CASC3: variants seen among roughly 807,000 people sequenced by gnomAD.
The protein encoded by CASC3 is CASC3 exon junction complex subunit.
In CASC3, 30 loss-of-function variants were observed where a neutral mutation model predicts 80.5. That is an observed-to-expected ratio of 0.37 (90% CI 0.28 to 0.51). CASC3 has a LOEUF of 0.51. Among genes scored for constraint, CASC3 ranks in the 20% least tolerant of loss-of-function variants. The pLI is 0.94. For missense variants in CASC3, 824 were observed against 922.2 expected (o/e 0.89, Z 1.38); for synonymous variants, 312 against 333.6 (o/e 0.94, Z 0.70).
intron 3 of CASC3, among the ~76,000 whole-genome samples, chr17:40,157,059 G>T (rs1304623240): frequency 6.6e-6 from 1 of 151,668 alleles, no homozygotes; most frequent in East Asian, 1.9e-4. Context: ...AAATAAAAGG[G>T]GGTTGGCCGG....
chr17:40,154,920 C>T (rs759810550), intron 3 of CASC3, among the ~76,000 whole-genome samples: 7 of 152,086 alleles, frequency 4.6e-5, no homozygotes, highest in African/African-American at 9.7e-5. Context: ...GATGGAGTCT[C>T]GCTCTTTCAC....
intron 3 of CASC3, among the ~76,000 whole-genome samples, chr17:40,146,540 G>A (rs907545812): frequency 1.1e-4 from 16 of 150,910 alleles, no homozygotes; most frequent in Non-Finnish European, 2.2e-4. Context: ...GGGTTCAAGC[G>A]ATTCTCGTGC....
intron 3 of CASC3, among the ~76,000 whole-genome samples, chr17:40,157,921 T>G (rs943084573): frequency 5.5e-4 from 84 of 152,284 alleles, no homozygotes; most frequent in African/African-American, 2.0e-3. Context: ...AACATACTAT[T>G]CAGTGGAAGT....
intron 10 of CASC3, 62 bp from the exon 11 acceptor site, chr17:40,168,141 C>A: frequency 6.8e-7 from 1 of 1,476,108 alleles, no homozygotes; most frequent in Non-Finnish European, 9.5e-7. Context: ...AGCAGTCCAG[C>A]CGGGCCATCC....
rs41283415 is a variant in CASC3 at position 40,141,428 on chromosome 17, C to T, written c.260-142C>T. On this transcript the variant is annotated intron_variant, in intron 2 of 13. Coordinates refer to ENST00000264645, the MANE Select transcript of CASC3 (RefSeq NM_007359.5). The stretch of plus-strand genomic sequence containing the variant: ...CAAGTTACCCTCTGAGCCTGTTTCT[C>T]CTTTTGTAAGTGGGGACTATAATTT... 3.6e-3 allele frequency: 3,105 copies of T among 852,792 alleles called. 13 individuals carry two copies. Among genetic ancestry groups the T allele is most frequent in the Non-Finnish European group, 4.4e-3 (2,291 of 518,758 alleles). The allele number at this position is 852,792 out of a possible 1,614,324, so 52.8% of individuals were successfully genotyped here.
chr17:40,160,203 C>G (rs1989258471), intron 3 of CASC3, among the ~76,000 whole-genome samples: 1 of 152,082 alleles, frequency 6.6e-6, no homozygotes, highest in Non-Finnish European at 1.5e-5. Flanking sequence ...GTTTAAGAGA[C>G]AATTCATGGG....
chr17:40,148,760 C>T (rs571472340), intron 3 of CASC3, among the ~76,000 whole-genome samples: 1 of 152,274 alleles, frequency 6.6e-6, no homozygotes, highest in South Asian at 2.1e-4. Context: ...GGTCCATTTG[C>T]TTTCTCTCTG....
At chr17:40,141,501 G>T in intron 2 of CASC3, 69 bp from the exon 3 acceptor site, 1 of 1,298,948 alleles carries the variant, frequency 7.7e-7, no homozygotes, top group South Asian at 1.2e-5. Context: ...CTCTTAGTCT[G>T]ACCTGTAATA....
chr17:40,141,924 G>A (rs1448410933), intron 3 of CASC3, among the ~76,000 whole-genome samples: 1 of 152,228 alleles, frequency 6.6e-6, no homozygotes, highest in African/African-American at 2.4e-5. Context: ...TTTATGCAGT[G>A]TAGGTTGAGA....
In CASC3 at chr17:40,167,878, T is replaced by C. The variant is rs1989491751; in HGVS notation, c.1680T>C (p.His560=). 3.1e-6 allele frequency: 5 copies of C among 1,614,076 alleles called. No homozygotes were observed. The highest frequency in any genetic ancestry group is 1.3e-5 in the African/African-American group (1 of 74,928). ...AGTTCCAGGGACCAATCTATACCCATGGTGACAGCCCTGCCCCGCTGCCTC... is the reference window on the plus strand; with the variant it reads ...AGTTCCAGGGACCAATCTATACCCACGGTGACAGCCCTGCCCCGCTGCCTC... ...PLQFQGPIYT[H]GDSPAPLPPQ... Residue 560 remains histidine (H), a synonymous_variant, in exon 10 of 14, where the codon CAT becomes CAC. Coordinates refer to ENST00000264645, the MANE Select transcript of CASC3 (RefSeq NM_007359.5).
Position 40,140,582 on chromosome 17 carries a change from G to C in CASC3, c.34G>C (p.Asp12His). ...CCGGCGGCGGCAGCGCGCTTCGCAA[G>C]ACACCGAGGACGAGGAATCTGGTGC... ...ADRRRQRASQ[D>H]TEDEESGASG... The change falls in exon 1 of 14, where the codon GAC becomes CAC. Residue 12 changes from aspartate (D) to histidine (H), a missense_variant. Asp to His is a moderately conservative substitution (Grantham distance 81). This residue lies in a region of CASC3 where 159 missense variants were observed against 122.2 expected (regional missense o/e 1.30). Transcript: ENST00000264645. The C allele has an allele frequency of 6.2e-7, 1 of 1,609,824 alleles. No individual in the cohort carries two copies. Among genetic ancestry groups the C allele is most frequent in the Non-Finnish European group, 8.5e-7 (1 of 1,179,570 alleles).
At chr17:40,149,545 GA>G (rs1042955353) in intron 3 of CASC3, among the ~76,000 whole-genome samples, 5 of 149,952 alleles carry the variant, frequency 3.3e-5, no homozygotes, top group Non-Finnish European at 7.4e-5. Flanking sequence ...GTCAAAGATT[GA>G]AAAAAAGAAA....
rs1343654927 is a variant in CASC3 at position 40,162,160 on chromosome 17, G to A, written c.608+7G>A. On this transcript the variant is annotated splice_region_variant and intron_variant, in intron 5 of 13. Coordinates refer to ENST00000264645, the MANE Select transcript of CASC3 (RefSeq NM_007359.5). ...CTCAGGAGGAGGAAGTCAGGTAAAAGCCACTTGCTGCTGCTGCTGTCTAAC... is the reference window on the plus strand; with the variant it reads ...CTCAGGAGGAGGAAGTCAGGTAAAAACCACTTGCTGCTGCTGCTGTCTAAC... 6.2e-7 allele frequency: 1 copy of A among 1,610,412 alleles called. No individual in the cohort carries two copies. The highest frequency in any genetic ancestry group is 1.1e-5 in the South Asian group (1 of 90,594).
rs1487134906 is a variant in CASC3 at position 40,164,146 on chromosome 17, T to G, written c.1451T>G (p.Leu484Arg). 1 of 1,606,766 alleles carries G rather than the reference T, an allele frequency of 6.2e-7. No homozygotes were observed. The highest frequency in any genetic ancestry group is 8.5e-7 in the Non-Finnish European group (1 of 1,177,876). Residue 484 changes from leucine to arginine, a missense_variant, in exon 7 of 14, where the codon CTG becomes CGG. By Grantham distance (102) the Leu-to-Arg change is moderately radical (BLOSUM62 -2). This residue lies in a region of CASC3 where 464 missense variants were observed against 506.0 expected (regional missense o/e 0.92). Coordinates refer to ENST00000264645, the MANE Select transcript of CASC3 (RefSeq NM_007359.5). Reference sequence around the variant, plus strand: ...TGGAGTCCGGGGCAGCCTTCTTTCCTGCAACCACGGGAACTTCGAGGTAGG... The same window carrying G: ...TGGAGTCCGGGGCAGCCTTCTTTCCGGCAACCACGGGAACTTCGAGGTAGG... ...QNWSPGQPSF[L>R]QPRELRGMPN...
intron 3 of CASC3, among the ~76,000 whole-genome samples, chr17:40,151,428 T>C (rs2145161250): frequency 6.6e-6 from 1 of 152,190 alleles, no homozygotes; most frequent in Non-Finnish European, 1.5e-5. Context: ...GCCAGGCTGG[T>C]CTCAAACTCC....
intron 3 of CASC3, among the ~76,000 whole-genome samples, chr17:40,151,202 C>A (rs1988998323): frequency 6.6e-6 from 1 of 151,844 alleles, no homozygotes; most frequent in Admixed American, 6.6e-5. Context: ...GACCTCATCT[C>A]TTTTTATTTG....
chr17:40,154,293 T>C (rs1042762584), intron 3 of CASC3, among the ~76,000 whole-genome samples: 1 of 152,074 alleles, frequency 6.6e-6, no homozygotes, highest in African/African-American at 2.4e-5. Context: ...GCAAGCAGTC[T>C]TCCCACCTCA....
At chr17:40,152,069 GTAT>G (rs1598423943) in intron 3 of CASC3, among the ~76,000 whole-genome samples, 2 of 152,172 alleles carry the variant, frequency 1.3e-5, no homozygotes, top group East Asian at 3.8e-4. Flanking sequence ...TAACCTTTTT[GTAT>G]GTGTGTGATG....
Position 40,161,865 on chromosome 17 carries a change from A to T in CASC3, c.410A>T (p.Asp137Val). 6.2e-7 allele frequency: 1 copy of T among 1,614,164 alleles called. No homozygotes were observed. Among genetic ancestry groups the T allele is most frequent in the Non-Finnish European group, 8.5e-7 (1 of 1,180,030 alleles). ...TKEEKGEEKP[D>V]TKSTVTGERQ... ...GAAGAGAAGGGAGAAGAAAAGCCTG[A>T]CACCAAAAGCACTGTGACTGGAGAG... The change falls in exon 4 of 14, where the codon GAC becomes GTC. Residue 137 changes from aspartate to valine, a missense_variant. This residue lies in a region of CASC3 where 201 missense variants were observed against 294.1 expected (regional missense o/e 0.68). Coordinates refer to ENST00000264645, the MANE Select transcript of CASC3 (RefSeq NM_007359.5).
Sources: gnomAD v4.1 joint callset for allele counts (sites outside exome capture counted in the v4.1 genomes callset) on GRCh38, gnomAD v4.1.1 for gene constraint, gnomAD v4.1.1 regional missense constraint, MANE v1.5 for transcripts, NCBI Gene and HGNC (gene_info 2026-07-23, HGNC 2026-07-21) for gene names.